KRT23: variants seen among roughly 807,000 people sequenced by gnomAD.
The protein encoded by KRT23 is keratin, type I cytoskeletal 23.
Under a neutral mutation model 47.6 loss-of-function variants are expected in KRT23, and 38 were observed. That is an observed-to-expected ratio of 0.80 (90% confidence interval 0.62 to 1.05). The LOEUF is 1.05. Among genes scored for constraint, KRT23 ranks in the 50% least tolerant of loss-of-function variants. The pLI, the probability that KRT23 is intolerant of heterozygous loss-of-function variation, is 0.00. For synonymous variants in KRT23, 191 were observed against 199.0 expected (o/e 0.96, Z 0.34); for missense variants, 503 against 529.5 (o/e 0.95, Z 0.49).
At position 40,922,955 on chromosome 17, in the gene KRT23, T is replaced by C. The variant is rs183044352; in HGVS notation, c.*34A>G. ...TGCAAGGACTTTCCTTGGGGGAAAA[T>C]AGATTTTACAACAGGCGGAAACTTT... On this transcript the variant is annotated 3_prime_UTR_variant, in exon 9 of 9. Transcript: ENST00000209718. The C allele has an allele frequency of 1.9e-4, 282 of 1,508,836 alleles. No homozygotes were observed. The highest frequency in any genetic ancestry group is 2.1e-4 in the Non-Finnish European group (231 of 1,084,222). 93.5% of individuals were successfully genotyped at this position (1,508,836 alleles called of 1,614,324 possible). A position where few individuals can be genotyped will look rare whatever the true frequency, so the allele number is the denominator to read the frequency against.
chr17:40,924,731 C>T (rs553275155), intron 7 of KRT23, among the ~76,000 whole-genome samples: 3 of 152,166 alleles, frequency 2.0e-5, no homozygotes, highest in Non-Finnish European at 2.9e-5. Flanking sequence ...GGAAGTCCAC[C>T]AACCATCCCC....
chr17:40,924,016 T>C (rs1480542875), intron 8 of KRT23, among the ~76,000 whole-genome samples: 1 of 152,258 alleles, frequency 6.6e-6, no homozygotes, highest in Non-Finnish European at 1.5e-5. Context: ...TGTTCCATCT[T>C]TAATACACTG....
At chr17:40,934,076 T>G (rs536516937) in intron 2 of KRT23, among the ~76,000 whole-genome samples, 1 of 152,344 alleles carries the variant, frequency 6.6e-6, no homozygotes, top group South Asian at 2.1e-4. Flanking sequence ...TGAATTAATT[T>G]TTAAGCTCAA....
At chr17:40,934,562 G>A (rs1458304672) in intron 2 of KRT23, among the ~76,000 whole-genome samples, 2 of 152,220 alleles carry the variant, frequency 1.3e-5, no homozygotes, top group African/African-American at 4.8e-5. Flanking sequence ...GAGACAATGT[G>A]TATGAAGTAT....
chr17:40,936,447 G>A lies in KRT23; in HGVS notation c.157C>T (p.Pro53Ser). 1 of 1,608,612 alleles carries A rather than the reference G, an allele frequency of 6.2e-7. No individual in the cohort carries two copies. Reference sequence around the variant, plus strand: ...GAACCCCAAGACCCTCCAGGGGGTGGGCAGCTCCGCGTGGTGAAGGACAGG... The same window carrying A: ...GAACCCCAAGACCCTCCAGGGGGTGAGCAGCTCCGCGTGGTGAAGGACAGG... ...ISLSFTTRSCPPPGGSWGSGR... is the reference protein window; with the variant it reads ...ISLSFTTRSCSPPGGSWGSGR... The change falls in exon 2 of 9, where the codon CCA becomes TCA. Residue 53 changes from proline to serine, a missense_variant. Coordinates refer to ENST00000209718, the MANE Select transcript of KRT23 (RefSeq NM_015515.5).
intron 7 of KRT23, 107 bp downstream of exon 7, chr17:40,925,247 T>C: frequency 1.1e-6 from 1 of 936,578 alleles, no homozygotes; most frequent in Non-Finnish European, 1.7e-6. Context: ...AACACAACTT[T>C]TCTCTTGCTA....
rs1231666152 is a variant in KRT23, at chr17:40,936,403, T to G, written c.201A>C (p.Leu67=). The G allele has an allele frequency of 1.2e-6, 2 of 1,614,044 alleles. No individual in the cohort carries two copies. Among genetic ancestry groups the G allele is most frequent in the Non-Finnish European group, 1.7e-6 (2 of 1,179,946 alleles). Residue 67 remains leucine (L), a synonymous_variant, in exon 2 of 9, where the codon CTA becomes CTC. Transcript: ENST00000209718. ...GSWGSGRSSP[L]LGGNGKATMQ... is the part of the protein sequence containing the mutation. ...TGGTGGCCTTCCCATTTCCGCCTAG[T>G]AGGGGGCTGCTTCTTCCAGAACCCC...
In KRT23 at chr17:40,929,704, C is replaced by T. The variant is rs1156522105; in HGVS notation, c.636+236G>A. ...AGGTAAACATTGTGTATTAACAAAA[C>T]TGTTGACCAATTCATCATTAATTAT... On this transcript the variant is annotated intron_variant, in intron 4 of 8. Coordinates refer to ENST00000209718, the MANE Select transcript of KRT23 (RefSeq NM_015515.5). 8 of 467,418 alleles carry T rather than the reference C, an allele frequency of 1.7e-5. 1 individual carries two copies. Among genetic ancestry groups the T allele is most frequent in the Non-Finnish European group, 2.6e-5 (7 of 266,122 alleles). The allele number at this position is 467,418 out of a possible 1,614,324, so 29.0% of individuals were successfully genotyped here.
chr17:40,934,010 G>A (rs1318505020), intron 2 of KRT23, among the ~76,000 whole-genome samples: 1 of 152,160 alleles, frequency 6.6e-6, no homozygotes, highest in East Asian at 1.9e-4. Flanking sequence ...AATCATTCAA[G>A]GTGTTTTATT....
chr17:40,924,733 AC>A (rs1909121044), intron 7 of KRT23, among the ~76,000 whole-genome samples: 1 of 152,030 alleles, frequency 6.6e-6, no homozygotes, highest in African/African-American at 2.4e-5. Context: ...AAGTCCACCA[AC>A]CATCCCCTCC....
rs773193282 is a variant in KRT23 at position 40,924,483 on chromosome 17, G to C, written c.1163C>G (p.Ser388Trp). 1 of 1,612,886 alleles carries C rather than the reference G, an allele frequency of 6.2e-7. No homozygotes were observed. The highest frequency in any genetic ancestry group is 8.5e-7 in the Non-Finnish European group (1 of 1,179,044). The change falls in exon 8 of 9, where the codon TCG (serine) becomes TGG (tryptophan). Residue 388 changes from serine (S) to tryptophan (W), a missense_variant. Ser to Trp is a radical substitution (Grantham distance 177). Transcript: ENST00000209718. The stretch of plus-strand genomic sequence containing the variant: ...AGGAAATTTTTTACCTTTCATGCTC[G>C]ACTTTGATTCTTCCCGTGTCCTATA... ...ESEGTREESK[S>W]SMKVSATPKI... is the part of the protein sequence containing the mutation.
rs763912921 is a variant in KRT23 at position 40,928,610 on chromosome 17, A to G, written c.637-3T>C. ...GGCACATGATGCTTCTCCATTTCCT[A>G]TTTAATAACAGAGAAAGGAAATGAA... On this transcript the variant is annotated splice_polypyrimidine_tract_variant and splice_region_variant and intron_variant, in intron 4 of 8. Coordinates refer to ENST00000209718, the MANE Select transcript of KRT23 (RefSeq NM_015515.5). 6 of 1,609,474 alleles carry G rather than the reference A, an allele frequency of 3.7e-6. No individual in the cohort carries two copies. In the South Asian group the frequency reaches 5.6e-5, roughly 15 times the overall value.
In KRT23 at chr17:40,931,392, C is replaced by T; in HGVS notation, c.460G>A (p.Val154Met). ...ACTTACTTGAGGTTGAAGTCATCCACTGCCATCCTGGCATTGTCAATGAGA... is the reference window on the plus strand; with the variant it reads ...ACTTACTTGAGGTTGAAGTCATCCATTGCCATCCTGGCATTGTCAATGAGA... ...ILLIDNARMA[V>M]DDFNLKYENE... is the part of the protein sequence containing the mutation. Residue 154 changes from valine (V) to methionine (M), a missense_variant, in exon 3 of 9, where the codon GTG becomes ATG. Val to Met is a conservative substitution (Grantham distance 21). Coordinates refer to ENST00000209718, the MANE Select transcript of KRT23 (RefSeq NM_015515.5). The T allele has an allele frequency of 6.2e-7, 1 of 1,611,904 alleles. No homozygotes were observed. The highest frequency in any genetic ancestry group is 2.2e-5 in the East Asian group (1 of 44,876).
At position 40,925,513 on chromosome 17, in the gene KRT23, T is replaced by A; in HGVS notation, c.983A>T (p.Asp328Val). ...TQSRYSCKLQ[D>V]MQEIISHYEE... is the part of the protein sequence containing the mutation. ...ATAGTGGGAGATGATCTCTTGCATG[T>A]CCTGGAGCTTGCAGGAGTACCGAGA... The change falls in exon 7 of 9, where the codon GAC (aspartate) becomes GTC (valine). Residue 328 changes from aspartate to valine, a missense_variant. Coordinates refer to ENST00000209718, the MANE Select transcript of KRT23 (RefSeq NM_015515.5). 1 of 1,614,186 alleles carries A rather than the reference T, an allele frequency of 6.2e-7. No homozygotes were observed. Among genetic ancestry groups the A allele is most frequent in the Non-Finnish European group, 8.5e-7 (1 of 1,180,010 alleles).
At chr17:40,924,357 G>A in intron 8 of KRT23, 115 bp downstream of exon 8, 2 of 768,574 alleles carry the variant, frequency 2.6e-6, no homozygotes, top group Non-Finnish European at 4.4e-6. Context: ...CCTGACCCAG[G>A]ACATTTTGAA....
intron 2 of KRT23, among the ~76,000 whole-genome samples, chr17:40,934,983 C>T (rs1475407123): frequency 1.3e-5 from 2 of 151,794 alleles, no homozygotes; most frequent in African/African-American, 2.4e-5. Context: ...TGGTTCTAAC[C>T]TTGTATTTCT....
At chr17:40,925,262 G>C (rs1909150650) in intron 7 of KRT23, 92 bp downstream of exon 7, 1 of 1,067,694 alleles carries the variant, frequency 9.4e-7, no homozygotes, top group Non-Finnish European at 1.4e-6. Flanking sequence ...TTGCTAGAGT[G>C]ACTCTTGCTA....
chr17:40,925,338 C>G lies in KRT23; in HGVS notation c.1142+16G>C, dbSNP rs1346784367. On this transcript the variant is annotated intron_variant, in intron 7 of 8. Coordinates refer to ENST00000209718, the MANE Select transcript of KRT23 (RefSeq NM_015515.5). ...AGGTCCCTCGCATGCTCCTCTCGTGCCAGCCTTTGCCTTACCCTTCACTCT... is the reference window on the plus strand; with the variant it reads ...AGGTCCCTCGCATGCTCCTCTCGTGGCAGCCTTTGCCTTACCCTTCACTCT... The G allele has an allele frequency of 6.2e-7, 1 of 1,609,472 alleles. No individual in the cohort carries two copies. Among genetic ancestry groups the G allele is most frequent in the South Asian group, 1.1e-5 (1 of 90,952 alleles).
At chr17:40,924,426 T>G in intron 8 of KRT23, 46 bp downstream of exon 8, 1 of 1,502,522 alleles carries the variant, frequency 6.7e-7, no homozygotes, top group Non-Finnish European at 9.3e-7. Context: ...ATAACCATGC[T>G]AATTCCTTAA....
Sources: allele counts gnomAD v4.1 joint callset (sites outside exome capture counted in the v4.1 genomes callset), GRCh38; gene constraint gnomAD v4.1.1; transcripts MANE v1.5; gene names NCBI Gene and HGNC (gene_info 2026-07-23, HGNC 2026-07-21).